The following EXOC4 variants were observed in gnomAD, a reference collection of about 807,000 sequenced individuals.
EXOC4 encodes the protein SEC8-like 1.
In EXOC4, 71 loss-of-function variants were observed where a neutral mutation model predicts 107.2. The observed-to-expected ratio is 0.66, with a 90% confidence interval of 0.55 to 0.81. The LOEUF (loss-of-function observed/expected upper bound fraction) is 0.81, where lower values mean the gene tolerates loss of function less well. Ranked by LOEUF, EXOC4 falls within the 30% of genes least tolerant of loss-of-function variation. The pLI is 0.00. For synonymous variants in EXOC4, 456 were observed against 441.2 expected (o/e 1.03, Z -0.42); for missense variants, 1,108 against 1,189.6 (o/e 0.93, Z 1.01).
chr7:133,926,447 C>G (rs1382654766), intron 13 of EXOC4, among the ~76,000 whole-genome samples: 1 of 152,086 alleles, frequency 6.6e-6, no homozygotes, highest in African/African-American at 2.4e-5. Context: ...CATTTTGACT[C>G]TAGATTTTGT....
At chr7:133,906,750 A>T (rs1421287547) in intron 12 of EXOC4, among the ~76,000 whole-genome samples, 5 of 152,206 alleles carry the variant, frequency 3.3e-5, no homozygotes, top group Non-Finnish European at 5.9e-5. Context: ...CAGATCCGGC[A>T]GGGTGTCCAC....
At chr7:134,090,347 C>A in the EXOC4 span, among the ~76,000 whole-genome samples, 8 of 152,154 alleles carry the variant, frequency 5.3e-5, no homozygotes, top group African/African-American at 1.9e-4. Flanking sequence ...GGACCTGCAG[C>A]AAAGTTTGTA....
intron 11 of EXOC4, among the ~76,000 whole-genome samples, chr7:133,835,119 G>C (rs888962076): frequency 3.3e-5 from 5 of 152,190 alleles, no homozygotes; most frequent in African/African-American, 1.2e-4. Flanking sequence ...GAATTTCCCA[G>C]TCTTGGGTAT....
At chr7:133,369,470 C>T (rs1040194830) in intron 6 of EXOC4, among the ~76,000 whole-genome samples, 1 of 152,214 alleles carries the variant, frequency 6.6e-6, no homozygotes, top group East Asian at 1.9e-4. Context: ...CTCTCTTAGC[C>T]TTACCATAGC....
chr7:133,856,223 AT>A (rs1244008257), intron 11 of EXOC4, among the ~76,000 whole-genome samples: 1 of 152,198 alleles, frequency 6.6e-6, no homozygotes, highest in Non-Finnish European at 1.5e-5. Context: ...AGTAATACCA[AT>A]CTACAGCACC....
chr7:134,052,089 T>C (rs1006423662), intron 17 of EXOC4, among the ~76,000 whole-genome samples: 8 of 152,162 alleles, frequency 5.3e-5, no homozygotes, highest in African/African-American at 1.9e-4. Flanking sequence ...TGCGTGTCCA[T>C]GAAGACGTCA....
At chr7:133,703,551 T>G (rs1562915933) in intron 10 of EXOC4, among the ~76,000 whole-genome samples, 2 of 152,224 alleles carry the variant, frequency 1.3e-5, no homozygotes. Flanking sequence ...ACAAAATGTT[T>G]GTGAAACCGA....
intron 9 of EXOC4, among the ~76,000 whole-genome samples, chr7:133,537,153 AT>A (rs142415052): frequency 0.3 from 44,886 of 149,380 alleles, 7,998 homozygotes; most frequent in East Asian, 0.52. Flanking sequence ...ATATATCTTG[AT>A]TTTTTTTTTT....
At chr7:133,859,006 C>T (rs1361722697) in intron 11 of EXOC4, among the ~76,000 whole-genome samples, 1 of 152,124 alleles carries the variant, frequency 6.6e-6, no homozygotes, top group Non-Finnish European at 1.5e-5. Flanking sequence ...CTCTTCTCCC[C>T]TGCCTCAAAA....
chr7:133,736,094 A>T (rs1191067409), intron 10 of EXOC4, among the ~76,000 whole-genome samples: 1 of 152,130 alleles, frequency 6.6e-6, no homozygotes. Context: ...GTCTCAAAAA[A>T]AAAAAGATAT....
At chr7:133,892,724 A>G (rs1282688395) in intron 11 of EXOC4, among the ~76,000 whole-genome samples, 1 of 106,380 alleles carries the variant, frequency 9.4e-6, no homozygotes, top group Non-Finnish European at 1.8e-5. Context: ...GTTTCCATGT[A>G]GTTGAGCGGC....
At chr7:133,706,768 A>G (rs1413600739) in intron 10 of EXOC4, among the ~76,000 whole-genome samples, 1 of 152,166 alleles carries the variant, frequency 6.6e-6, no homozygotes, top group Non-Finnish European at 1.5e-5. Flanking sequence ...ATATCCCTGC[A>G]TGGCTTATGA....
At chr7:133,759,836 A>G (rs1795997140) in intron 10 of EXOC4, among the ~76,000 whole-genome samples, 1 of 152,182 alleles carries the variant, frequency 6.6e-6, no homozygotes, top group African/African-American at 2.4e-5. Context: ...GGAGTACAGT[A>G]GAAGAAAAGT....
chr7:133,476,731 G>A (rs1003759257), intron 8 of EXOC4, among the ~76,000 whole-genome samples: 3 of 152,148 alleles, frequency 2.0e-5, no homozygotes, highest in Admixed American at 6.5e-5. Flanking sequence ...GCTTTAGGCT[G>A]CAAGTAACAT....
intron 10 of EXOC4, among the ~76,000 whole-genome samples, chr7:133,644,479 A>G (rs1802939309): frequency 6.6e-6 from 1 of 152,234 alleles, no homozygotes; most frequent in Non-Finnish European, 1.5e-5. Context: ...AAAGTATATA[A>G]TAGCATTAAT....
intron 5 of EXOC4, among the ~76,000 whole-genome samples, chr7:133,350,917 A>G (rs1303894823): frequency 2.0e-5 from 3 of 152,022 alleles, no homozygotes; most frequent in Non-Finnish European, 4.4e-5. Flanking sequence ...GCTTATATAT[A>G]TTATAGCTTT....
intron 7 of EXOC4, among the ~76,000 whole-genome samples, chr7:133,424,879 C>T (rs1797689380): frequency 6.6e-6 from 1 of 152,150 alleles, no homozygotes. Flanking sequence ...AAATGACTAC[C>T]AAAATTCTCT....
At chr7:133,653,396 T>A (rs1002606828) in intron 10 of EXOC4, among the ~76,000 whole-genome samples, 3 of 152,228 alleles carry the variant, frequency 2.0e-5, no homozygotes, top group Non-Finnish European at 4.4e-5. Flanking sequence ...GATGCCCCTT[T>A]ACTTGTAAAA....
intron 10 of EXOC4, among the ~76,000 whole-genome samples, chr7:133,682,554 C>T (rs1325116370): frequency 6.6e-6 from 1 of 152,116 alleles, no homozygotes; most frequent in Non-Finnish European, 1.5e-5. Context: ...ATATCTTTAT[C>T]AGCAGCATCA....
Sources: allele counts gnomAD v4.1 joint callset (sites outside exome capture counted in the v4.1 genomes callset), GRCh38; gene constraint gnomAD v4.1.1; transcripts MANE v1.5; gene names NCBI Gene and HGNC (gene_info 2026-07-23, HGNC 2026-07-21).